Variants in CLSTN2 observed in about 807,000 individuals in gnomAD.
CLSTN2 encodes the protein calsyntenin-2.
Under a neutral mutation model 101.2 loss-of-function variants are expected in CLSTN2, and 48 were observed. That is an observed-to-expected ratio of 0.47 (90% CI 0.38 to 0.60). CLSTN2 has a LOEUF of 0.60. CLSTN2 is among the 20% of genes least tolerant of loss of function. The pLI is 0.00. For synonymous variants in CLSTN2, 481 were observed against 463.6 expected (o/e 1.04, Z -0.48); for missense variants, 1,160 against 1,238.2 (o/e 0.94, Z 0.95).
At chr3:140,380,221 G>A (rs1480128334) in intron 2 of CLSTN2, among the ~76,000 whole-genome samples, 1 of 152,156 alleles carries the variant, frequency 6.6e-6, no homozygotes, top group Non-Finnish European at 1.5e-5. Context: ...AGGGGCAGTT[G>A]GGAGTGTGTG....
chr3:140,522,801 G>A (rs1316508981), intron 8 of CLSTN2, among the ~76,000 whole-genome samples: 2 of 151,902 alleles, frequency 1.3e-5, no homozygotes, highest in African/African-American at 4.8e-5. Flanking sequence ...TTTTTATTCA[G>A]CTCTTTTTCA....
intron 1 of CLSTN2, among the ~76,000 whole-genome samples, chr3:140,140,869 C>T (rs1290772632): frequency 6.6e-6 from 1 of 152,180 alleles, no homozygotes; most frequent in East Asian, 1.9e-4. Context: ...TATTCCCAGC[C>T]ATGTTCCAGG....
intron 1 of CLSTN2, among the ~76,000 whole-genome samples, chr3:139,992,333 A>G (rs563686843): frequency 6.6e-5 from 10 of 152,282 alleles, no homozygotes; most frequent in Middle Eastern, 3.4e-3. Flanking sequence ...TCTTCTCAGA[A>G]TTGAAAGAAT....
intron 1 of CLSTN2, among the ~76,000 whole-genome samples, chr3:139,987,575 G>C (rs996022729): frequency 4.6e-5 from 7 of 152,306 alleles, no homozygotes; most frequent in Non-Finnish European, 1.0e-4. Context: ...TATTGCATAG[G>C]TAAGAGAGAT....
At chr3:140,415,112 T>C (rs1415191101) in intron 4 of CLSTN2, among the ~76,000 whole-genome samples, 2 of 149,410 alleles carry the variant, frequency 1.3e-5, no homozygotes, top group Non-Finnish European at 3.0e-5. Flanking sequence ...TAAATAGTAC[T>C]GAAAAAAACT....
At chr3:140,364,203 G>GGTATCAGACACAC (rs1168118466) in intron 2 of CLSTN2, among the ~76,000 whole-genome samples, 1 of 152,074 alleles carries the variant, frequency 6.6e-6, no homozygotes, top group Non-Finnish European at 1.5e-5. Context: ...GACAGTCATG[G>GGTATCAGACACAC]GTATCAGACA....
At chr3:140,057,400 T>C (rs1036551229) in intron 1 of CLSTN2, among the ~76,000 whole-genome samples, 4 of 152,206 alleles carry the variant, frequency 2.6e-5, no homozygotes, top group Non-Finnish European at 5.9e-5. Context: ...ATGGTCGCTT[T>C]TCATAGCCAT....
chr3:139,946,795 C>T (rs1032717274), intron 1 of CLSTN2, among the ~76,000 whole-genome samples: 1 of 152,192 alleles, frequency 6.6e-6, no homozygotes, highest in Non-Finnish European at 1.5e-5. Context: ...AGGAGTGCCC[C>T]ATCTTTTATG....
At chr3:140,276,224 G>C (rs2086793963) in intron 2 of CLSTN2, among the ~76,000 whole-genome samples, 1 of 152,178 alleles carries the variant, frequency 6.6e-6, no homozygotes, top group East Asian at 1.9e-4. Flanking sequence ...TGGAGAACCA[G>C]CCAACTGACA....
chr3:140,483,079 T>A (rs1934158099), intron 8 of CLSTN2, among the ~76,000 whole-genome samples: 1 of 152,226 alleles, frequency 6.6e-6, no homozygotes, highest in African/African-American at 2.4e-5. Flanking sequence ...TGTGGGCATT[T>A]AGTGCTATAA....
intron 5 of CLSTN2, among the ~76,000 whole-genome samples, chr3:140,428,796 T>C (rs2088599042): frequency 6.6e-6 from 1 of 152,220 alleles, no homozygotes; most frequent in Non-Finnish European, 1.5e-5. Context: ...TGAATAATTC[T>C]CCAAGTGCGT....
chr3:140,162,897 A>G (rs1199423918), intron 1 of CLSTN2, among the ~76,000 whole-genome samples: 2 of 152,216 alleles, frequency 1.3e-5, no homozygotes, highest in Non-Finnish European at 2.9e-5. Context: ...TGCATTTGCT[A>G]CCTTCTAGAA....
chr3:140,224,040 G>A (rs2107854680), intron 2 of CLSTN2, among the ~76,000 whole-genome samples: 1 of 152,260 alleles, frequency 6.6e-6, no homozygotes, highest in South Asian at 2.1e-4. Flanking sequence ...GGATATTTTG[G>A]TGAGGCCACT....
At chr3:140,206,140 A>G (rs1459584067) in intron 2 of CLSTN2, among the ~76,000 whole-genome samples, 2 of 152,248 alleles carry the variant, frequency 1.3e-5, no homozygotes, top group Non-Finnish European at 2.9e-5. Context: ...GCTGAGATCT[A>G]GAGCTGTAAA....
intron 2 of CLSTN2, among the ~76,000 whole-genome samples, chr3:140,361,303 G>A (rs932932757): frequency 6.6e-6 from 1 of 152,122 alleles, no homozygotes; most frequent in Non-Finnish European, 1.5e-5. Flanking sequence ...AGAAATTCAA[G>A]ACCTACTCAA....
intron 1 of CLSTN2, among the ~76,000 whole-genome samples, chr3:139,976,478 G>A (rs561991014): frequency 3.3e-5 from 5 of 152,316 alleles, no homozygotes; most frequent in East Asian, 3.9e-4. Context: ...CTCAGTGCAC[G>A]GATGAGGGAA....
intron 2 of CLSTN2, among the ~76,000 whole-genome samples, chr3:140,268,311 C>G (rs986303518): frequency 2.6e-5 from 4 of 152,140 alleles, no homozygotes; most frequent in Non-Finnish European, 1.5e-5. Context: ...TCACTCAGCC[C>G]TTTTACCAAT....
At chr3:140,383,014 C>A (rs1369203310) in intron 2 of CLSTN2, among the ~76,000 whole-genome samples, 1 of 152,144 alleles carries the variant, frequency 6.6e-6, no homozygotes, top group Admixed American at 6.5e-5. Context: ...CTCCTTCCCA[C>A]AAAGAAGTAA....
chr3:140,136,620 G>A (rs530434967), intron 1 of CLSTN2, among the ~76,000 whole-genome samples: 1 of 152,186 alleles, frequency 6.6e-6, no homozygotes, highest in Non-Finnish European at 1.5e-5. Flanking sequence ...TCTTGATGCT[G>A]TTTTTATTAA....
Sources: allele counts gnomAD v4.1 joint callset (sites outside exome capture counted in the v4.1 genomes callset), GRCh38; gene constraint gnomAD v4.1.1; transcripts MANE v1.5; gene names NCBI Gene and HGNC (gene_info 2026-07-23, HGNC 2026-07-21).